Variants in AKAP6 observed in about 807,000 individuals in gnomAD.
AKAP6 encodes the protein A-kinase anchoring protein 6.
A neutral mutation model predicts 188.5 loss-of-function variants in AKAP6; 58 were observed. That is an observed-to-expected ratio of 0.31 (90% confidence interval 0.25 to 0.38). The LOEUF is 0.38. Among genes scored for constraint, AKAP6 ranks in the 10% least tolerant of loss-of-function variants. AKAP6 has a pLI of 1.00. For synonymous variants in AKAP6, 989 were observed against 998.6 expected (o/e 0.99, Z 0.18); for missense variants, 2,710 against 2,740.0 (o/e 0.99, Z 0.24).
At chr14:32,786,296 A>ATGGTTT in intron 12 of AKAP6, among the ~76,000 whole-genome samples, 3 of 93,706 alleles carry the variant, frequency 3.2e-5, no homozygotes, top group African/African-American at 1.2e-4. Flanking sequence ...CTAAACCTTT[A>ATGGTTT]TCTTTTTTTT....
At chr14:32,486,608 C>T (rs1183833643) in intron 2 of AKAP6, among the ~76,000 whole-genome samples, 1 of 151,852 alleles carries the variant, frequency 6.6e-6, no homozygotes. Context: ...CATGATTTGA[C>T]TCTCTGTTTG....
chr14:32,482,949 G>T (rs190464272), intron 2 of AKAP6, among the ~76,000 whole-genome samples: 6 of 150,290 alleles, frequency 4.0e-5, no homozygotes, highest in Admixed American at 1.4e-4. Flanking sequence ...GTATTTTGCT[G>T]GGTCAAAGGG....
chr14:32,641,765 G>A (rs865960646), intron 7 of AKAP6, among the ~76,000 whole-genome samples: 1 of 152,006 alleles, frequency 6.6e-6, no homozygotes, highest in Non-Finnish European at 1.5e-5. Context: ...TAATTTTTAG[G>A]TATTTCCTTG....
Position 32,705,406 on chromosome 14 carries a change from T to C in AKAP6, c.3000+9296T>C, listed in dbSNP as rs139918117. 2.5e-3 allele frequency among the ~76,000 whole-genome samples: 374 copies of C among 152,308 alleles called. 1 individual carries two copies. Among genetic ancestry groups the C allele is most frequent in the African/African-American group, 8.4e-3 (348 of 41,574 alleles). Reference sequence around the variant, plus strand: ...GAAAAGGGAACAAAAACAGATGTTATCTTCTTCAACATTTGATAAAAAGAG... The same window carrying C: ...GAAAAGGGAACAAAAACAGATGTTACCTTCTTCAACATTTGATAAAAAGAG... On this transcript the variant is annotated intron_variant, in intron 9 of 13. Transcript: ENST00000280979.
intron 1 of AKAP6, among the ~76,000 whole-genome samples, chr14:32,347,716 A>G (rs1413313299): frequency 6.6e-6 from 1 of 152,190 alleles, no homozygotes. Context: ...CCCTGACTAT[A>G]TGGTCACTTC....
At chr14:32,610,882 A>G (rs1301750053) in intron 7 of AKAP6, among the ~76,000 whole-genome samples, 1 of 152,212 alleles carries the variant, frequency 6.6e-6, no homozygotes, top group Non-Finnish European at 1.5e-5. Flanking sequence ...TGACCTATAT[A>G]CTGGACAGCT....
chr14:32,583,992 G>A (rs1033999518), intron 5 of AKAP6, among the ~76,000 whole-genome samples: 8 of 152,136 alleles, frequency 5.3e-5, no homozygotes, highest in East Asian at 3.9e-4. Flanking sequence ...ACTGTCCTGC[G>A]CCCACTGTCT....
At chr14:32,504,637 AT>A (rs1490708853) in intron 2 of AKAP6, among the ~76,000 whole-genome samples, 1 of 152,084 alleles carries the variant, frequency 6.6e-6, no homozygotes, top group Non-Finnish European at 1.5e-5. Flanking sequence ...GCTTTTTGGA[AT>A]TTTTAGTCAA....
intron 5 of AKAP6, among the ~76,000 whole-genome samples, chr14:32,584,828 T>C (rs7493751): frequency 0.6 from 91,761 of 151,966 alleles, 27,965 homozygotes; most frequent in East Asian, 0.81. Flanking sequence ...TTATTAATTC[T>C]CTTGTATTGC....
chr14:32,493,827 C>T (rs1412355509), intron 2 of AKAP6, among the ~76,000 whole-genome samples: 1 of 152,064 alleles, frequency 6.6e-6, no homozygotes, highest in Non-Finnish European at 1.5e-5. Flanking sequence ...CAGAGATGAC[C>T]CTGACATAGC....
chr14:32,518,785 A>T (rs1380757436), intron 2 of AKAP6, among the ~76,000 whole-genome samples: 1 of 152,242 alleles, frequency 6.6e-6, no homozygotes, highest in African/African-American at 2.4e-5. Flanking sequence ...GATATTATCC[A>T]GGAGAACTTC....
At chr14:32,707,895 A>G (rs553372537) in intron 9 of AKAP6, among the ~76,000 whole-genome samples, 1 of 152,066 alleles carries the variant, frequency 6.6e-6, no homozygotes, top group African/African-American at 2.4e-5. Flanking sequence ...GGCCAGGTTG[A>G]TATCAGGGAG....
chr14:32,657,725 T>TA (rs1594818754), intron 7 of AKAP6, among the ~76,000 whole-genome samples: 7 of 152,050 alleles, frequency 4.6e-5, no homozygotes, highest in Non-Finnish European at 1.5e-5. Context: ...TTTTTTTTTT[T>TA]ACCATAATTT....
chr14:32,778,292 A>AT (rs967435929), intron 12 of AKAP6, among the ~76,000 whole-genome samples: 96 of 152,098 alleles, frequency 6.3e-4, no homozygotes, highest in South Asian at 8.3e-4. Context: ...TTACTATGAA[A>AT]TTTTTTTTGT....
In AKAP6 at chr14:32,515,377, A is replaced by G. The variant is rs189204667; in HGVS notation, c.325-20177A>G. On this transcript the variant is annotated intron_variant, in intron 2 of 13. Coordinates refer to ENST00000280979, the MANE Select transcript of AKAP6 (RefSeq NM_004274.5). ...GACACAGCAAAACTATATCAGAGAG[A>G]TACCTTTCAATGTACCTAGGACTGG... Among the ~76,000 whole-genome samples the G allele has an allele frequency of 5.9e-3, 902 of 152,244 alleles. 3 individuals carry two copies. Among genetic ancestry groups the G allele is most frequent in the Non-Finnish European group, 9.5e-3 (643 of 68,024 alleles).
chr14:32,481,418 C>T (rs1414448869), intron 2 of AKAP6, among the ~76,000 whole-genome samples: 3 of 152,054 alleles, frequency 2.0e-5, no homozygotes, highest in Non-Finnish European at 4.4e-5. Context: ...ATACCCGGGA[C>T]TGGGTAATTT....
At chr14:32,574,083 C>A (rs1884617721) in intron 4 of AKAP6, among the ~76,000 whole-genome samples, 1 of 152,126 alleles carries the variant, frequency 6.6e-6, no homozygotes, top group Non-Finnish European at 1.5e-5. Context: ...ATTCTTGAGG[C>A]TACACATAGA....
intron 7 of AKAP6, among the ~76,000 whole-genome samples, chr14:32,609,968 T>G (rs1486029129): frequency 1.3e-5 from 2 of 151,978 alleles, no homozygotes; most frequent in Non-Finnish European, 2.9e-5. Flanking sequence ...AGAAAAACTT[T>G]CTTTACTTTT....
chr14:32,505,078 C>G (rs540899949), intron 2 of AKAP6, among the ~76,000 whole-genome samples: 1 of 152,274 alleles, frequency 6.6e-6, no homozygotes, highest in African/African-American at 2.4e-5. Flanking sequence ...GGGAGGAGCA[C>G]TGAATATTAG....
Sources: gnomAD v4.1 joint callset for allele counts (sites outside exome capture counted in the v4.1 genomes callset) on GRCh38, gnomAD v4.1.1 for gene constraint, MANE v1.5 for transcripts, NCBI Gene and HGNC (gene_info 2026-07-23, HGNC 2026-07-21) for gene names.